The following MAP2K3 variants were observed in gnomAD, a reference collection of about 807,000 sequenced individuals.
MAP2K3 encodes the protein dual specificity mitogen-activated protein kinase kinase 3.
MAP2K3 carries 30 observed loss-of-function variants against 46.4 expected under a neutral mutation model. The ratio of observed to expected loss-of-function variants is 0.65; its 90% confidence interval spans 0.48 to 0.88. The LOEUF (loss-of-function observed/expected upper bound fraction) is 0.88, where lower values mean the gene tolerates loss of function less well. Among genes scored for constraint, MAP2K3 ranks in the 40% least tolerant of loss-of-function variants. The probability of loss-of-function intolerance (pLI) is 0.00; values close to 1 mark genes in which losing one functional copy is unlikely to be tolerated. For missense variants in MAP2K3, 380 were observed against 464.5 expected (o/e 0.82, Z 1.67); for synonymous variants, 189 against 176.3 (o/e 1.07, Z -0.57).
intron 1 of MAP2K3, chr17:21,295,896 G>A: frequency 1.6e-6 from 2 of 1,274,826 alleles, no homozygotes; most frequent in South Asian, 1.3e-5. Flanking sequence ...GGAGGGTGTG[G>A]CGTGGACCCC....
chr17:21,308,389 C>A (rs1281802687), intron 9 of MAP2K3, among the ~76,000 whole-genome samples: 1 of 152,202 alleles, frequency 6.6e-6, no homozygotes, highest in African/African-American at 2.4e-5. Flanking sequence ...CTCAGGTGAT[C>A]CACCTGCCTC....
intron 1 of MAP2K3, chr17:21,295,658 C>T (rs1352180583): frequency 3.9e-6 from 5 of 1,289,482 alleles, no homozygotes; most frequent in South Asian, 3.7e-5. Context: ...CTGATGCAGG[C>T]TTGGTGTCCC....
intron 5 of MAP2K3, 27 bp from the exon 6 acceptor site, chr17:21,302,116 T>C: frequency 6.2e-7 from 1 of 1,612,978 alleles, no homozygotes; most frequent in Non-Finnish European, 8.5e-7. Context: ...CCCGGCAGCC[T>C]GGCTGAGCTC....
chr17:21,297,232 G>A (rs1260944253), intron 1 of MAP2K3, among the ~76,000 whole-genome samples: 1 of 152,312 alleles, frequency 6.6e-6, no homozygotes, highest in Non-Finnish European at 1.5e-5. Context: ...GGCCAAGGCT[G>A]GATCTGAACC....
At chr17:21,287,675 G>A (rs1479633315) in intron 1 of MAP2K3, among the ~76,000 whole-genome samples, 1 of 152,246 alleles carries the variant, frequency 6.6e-6, no homozygotes, top group Non-Finnish European at 1.5e-5. Context: ...CTGGCGCTGG[G>A]GCCAGTGGGT....
At position 21,284,929 on chromosome 17, in the gene MAP2K3, G is replaced by A. The variant is rs776682431; in HGVS notation, c.9G>A (p.Ser3=). The A allele has an allele frequency of 1.7e-5, 28 of 1,611,274 alleles. No homozygotes were observed. The highest frequency in any genetic ancestry group is 2.2e-5 in the Non-Finnish European group (26 of 1,179,416). The change falls in exon 1 of 12, where the codon TCG becomes TCA. Residue 3 remains serine (S), a synonymous_variant. Coordinates refer to ENST00000342679, the MANE Select transcript of MAP2K3 (RefSeq NM_145109.3). Reference sequence around the variant, plus strand: ...CAGGACCCACTTGCAGCATGGAGTCGCCCGCCTCGAGCCAGCCCGCCAGCA... The same window carrying A: ...CAGGACCCACTTGCAGCATGGAGTCACCCGCCTCGAGCCAGCCCGCCAGCA... The part of the protein sequence containing the change: ME[S]PASSQPASMP...
At chr17:21,290,637 G>T (rs555786883) in intron 1 of MAP2K3, among the ~76,000 whole-genome samples, 5 of 152,426 alleles carry the variant, frequency 3.3e-5, no homozygotes, top group African/African-American at 9.6e-5. Context: ...CAAGAACCCC[G>T]TTTTTGGTAT....
chr17:21,311,213 G>A (rs528776823), intron 9 of MAP2K3, among the ~76,000 whole-genome samples: 53 of 152,252 alleles, frequency 3.5e-4, no homozygotes, highest in South Asian at 2.1e-3. Flanking sequence ...GGTCTCTTCC[G>A]TTCATCATGG....
chr17:21,306,000 C>T (rs1260014553), intron 9 of MAP2K3, among the ~76,000 whole-genome samples: 6 of 152,258 alleles, frequency 3.9e-5, no homozygotes, highest in Admixed American at 1.3e-4. Context: ...GGGATGAGGC[C>T]GTCAGATAGA....
chr17:21,286,754 T>A (rs1201483678), intron 1 of MAP2K3, among the ~76,000 whole-genome samples: 1 of 152,180 alleles, frequency 6.6e-6, no homozygotes, highest in Non-Finnish European at 1.5e-5. Context: ...GGGTCATAGA[T>A]GCAGTGAGAA....
chr17:21,291,495 G>A (rs1339549142), intron 1 of MAP2K3: 8 of 456,360 alleles, frequency 1.8e-5, no homozygotes, highest in Admixed American at 1.2e-4. Context: ...TGCTGACCTC[G>A]AGCCGGGCCC....
intron 1 of MAP2K3, among the ~76,000 whole-genome samples, chr17:21,293,742 TGC>T (rs1425809805): frequency 0.098 from 14,332 of 146,370 alleles, no homozygotes; most frequent in South Asian, 0.12. Flanking sequence ...CCTAGCCTGC[TGC>T]ACACCTACAA....
intron 9 of MAP2K3, among the ~76,000 whole-genome samples, chr17:21,305,783 T>C (rs989746050): frequency 2.0e-5 from 3 of 152,422 alleles, no homozygotes; most frequent in Admixed American, 6.5e-5. Context: ...ACCACCAGGA[T>C]GTGTCCCCCA....
Position 21,298,567 on chromosome 17 carries a change from A to G in MAP2K3, c.116+88A>G, listed in dbSNP as rs964661363. ...GAAGGAGTGAGAGGCAGGTGGGGCC[A>G]GCCCTGCTTTACCTCGTCCTGTCCT... On this transcript the variant is annotated intron_variant, in intron 2 of 11. Coordinates refer to ENST00000342679, the MANE Select transcript of MAP2K3 (RefSeq NM_145109.3). The G allele has an allele frequency of 2.5e-6, 4 of 1,604,658 alleles. No homozygotes were observed. In the African/African-American group the frequency reaches 5.4e-5, roughly 21 times the overall value.
rs1977323607 is a variant in MAP2K3 at position 21,314,645 on chromosome 17, T to C, written c.*415T>C. ...TTTAATCTCTCGACTGAATGGACTT[T>C]GCACACTTTGGCCCAGGGTGGCCAC... On this transcript the variant is annotated 3_prime_UTR_variant, in exon 12 of 12. Coordinates refer to ENST00000342679, the MANE Select transcript of MAP2K3 (RefSeq NM_145109.3). The C allele has an allele frequency of 5.3e-6, 1 of 189,890 alleles. No individual in the cohort carries two copies. Among genetic ancestry groups the C allele is most frequent in the African/African-American group, 2.4e-5 (1 of 42,490 alleles). 11.8% of individuals were successfully genotyped at this position (189,890 alleles called of 1,614,324 possible).
At chr17:21,298,750 C>A in intron 2 of MAP2K3, 128 bp from the exon 3 acceptor site, 2 of 1,393,408 alleles carry the variant, frequency 1.4e-6, no homozygotes, top group Non-Finnish European at 1.0e-6. Flanking sequence ...AGGAGGTGGC[C>A]GGAGAAGGCG....
At chr17:21,297,724 C>G (rs1976337511) in intron 1 of MAP2K3, among the ~76,000 whole-genome samples, 1 of 21,050 alleles carries the variant, frequency 4.8e-5, no homozygotes, top group African/African-American at 1.9e-4. Flanking sequence ...GGTGTGGACA[C>G]TGGGGCCTCT....
At chr17:21,301,404 T>C (rs974968999) in intron 5 of MAP2K3, among the ~76,000 whole-genome samples, 22 of 152,298 alleles carry the variant, frequency 1.4e-4, no homozygotes, top group African/African-American at 5.1e-4. Context: ...GGATGGGGTG[T>C]GTGCTGAGAG....
intron 1 of MAP2K3, among the ~76,000 whole-genome samples, chr17:21,293,212 A>G (rs998021176): frequency 6.6e-6 from 1 of 152,258 alleles, no homozygotes; most frequent in Non-Finnish European, 1.5e-5. Context: ...TGGCCATGGG[A>G]GGCCAGGCTG....
Sources: gnomAD v4.1 joint callset for allele counts (sites outside exome capture counted in the v4.1 genomes callset) on GRCh38, gnomAD v4.1.1 for gene constraint, MANE v1.5 for transcripts, NCBI Gene and HGNC (gene_info 2026-07-23, HGNC 2026-07-21) for gene names.